The following TRARG1 variants were observed in gnomAD, a reference collection of about 807,000 sequenced individuals.
The protein encoded by TRARG1 is trafficking regulator of GLUT4 (SLC2A4) 1 (gene/pseudogene).
In TRARG1, 16 loss-of-function variants were observed where a neutral mutation model predicts 13.3. The ratio of observed to expected loss-of-function variants is 1.20; its 90% CI spans 0.81 to 1.83. The LOEUF (loss-of-function observed/expected upper bound fraction) is 1.83, where lower values mean the gene tolerates loss of function less well. TRARG1 is among the 40% of genes most tolerant of loss of function. The probability of loss-of-function intolerance (pLI) is 0.00; values close to 1 mark genes in which losing one functional copy is unlikely to be tolerated. For synonymous variants in TRARG1, 113 were observed against 106.2 expected (o/e 1.06, Z -0.39); for missense variants, 250 against 237.4 (o/e 1.05, Z -0.35).
chr17:1,279,984 C>T lies in TRARG1; in HGVS notation c.-18C>T, dbSNP rs373933185. 2.1e-5 allele frequency: 34 copies of T among 1,595,662 alleles called. No homozygotes were observed. The highest frequency in any genetic ancestry group is 1.6e-4 in the East Asian group (7 of 44,620). On this transcript the variant is annotated 5_prime_UTR_variant, in exon 1 of 3. Coordinates refer to ENST00000333813, the MANE Select transcript of TRARG1 (RefSeq NM_172367.3). ...TTGTCCCAGCCTGGAGCTGCAGCCG[C>T]GCAAGGCCCAGGCCCCCATGGCCCA... is the stretch of plus-strand genomic sequence containing the variant.
At chr17:1,297,026 G>C (rs185327461) in intron 2 of TRARG1, among the ~76,000 whole-genome samples, 184 of 152,224 alleles carry the variant, frequency 1.2e-3, no homozygotes, top group African/African-American at 3.9e-3. Flanking sequence ...GGGGTCATCC[G>C]GGTCTGAACT....
chr17:1,294,581 A>G (rs9907906), intron 1 of TRARG1, among the ~76,000 whole-genome samples: 67,578 of 148,690 alleles, frequency 0.45, 15,617 homozygotes, highest in African/African-American at 0.59. Context: ...ATTCTCCTGC[A>G]TCAGCCTCCT....
chr17:1,299,190 G>A lies in TRARG1; in HGVS notation c.*926G>A, dbSNP rs535531982. On this transcript the variant is annotated 3_prime_UTR_variant, in exon 3 of 3. Coordinates refer to ENST00000333813, the MANE Select transcript of TRARG1 (RefSeq NM_172367.3). ...TGGGGCTCCGTCTGGTGCTGCTTAG[G>A]TAGTTTCAGGCTTCCAGCCCAGCCC... is the stretch of plus-strand genomic sequence containing the variant. 1.3e-5 allele frequency: 2 copies of A among 152,368 alleles called. No homozygotes were observed. The highest frequency in any genetic ancestry group is 2.9e-5 in the Non-Finnish European group (2 of 68,152). The allele number at this position is 152,368 out of a possible 1,614,324, so 9.4% of individuals were successfully genotyped here.
At chr17:1,287,785 C>T (rs903250341) in intron 1 of TRARG1, among the ~76,000 whole-genome samples, 6 of 152,142 alleles carry the variant, frequency 3.9e-5, no homozygotes, top group Admixed American at 1.3e-4. Context: ...CCCGAGCAGC[C>T]GGGACTACAG....
intron 1 of TRARG1, among the ~76,000 whole-genome samples, chr17:1,290,789 C>T (rs2072063409): frequency 6.6e-6 from 1 of 152,122 alleles, no homozygotes. Context: ...AATTGTAGGC[C>T]CCATAATCCC....
At chr17:1,283,134 G>C (rs750684684) in intron 1 of TRARG1, among the ~76,000 whole-genome samples, 3 of 152,180 alleles carry the variant, frequency 2.0e-5, no homozygotes, top group Non-Finnish European at 2.9e-5. Flanking sequence ...CATATTTCCA[G>C]AAGTGCCCGT....
rs779102520 is a variant in TRARG1 at position 1,295,542 on chromosome 17, C to T, written c.439C>T (p.Arg147Cys). 54 of 1,612,998 alleles carry T rather than the reference C, an allele frequency of 3.3e-5. No individual in the cohort carries two copies. The highest frequency in any genetic ancestry group is 1.6e-4 in the Middle Eastern group (1 of 6,082). ...GNVDGARRLG[R>C]LARLLSITLI... ...CGTGGACGGCGCCCGGAGGCTGGGC[C>T]GCCTGGCTCGGCTGCTCAGCATTAC... is the stretch of plus-strand genomic sequence containing the variant. The change falls in exon 2 of 3, where the codon CGC becomes TGC. Residue 147 changes from arginine to cysteine, a missense_variant. Physicochemically the swap from Arg to Cys is radical, Grantham distance 180. Transcript: ENST00000333813.
At chr17:1,285,444 C>T (rs1013530221) in intron 1 of TRARG1, among the ~76,000 whole-genome samples, 18 of 150,096 alleles carry the variant, frequency 1.2e-4, no homozygotes, top group African/African-American at 4.4e-4. Flanking sequence ...CAGTGGCTCA[C>T]ACCTGCAATC....
In TRARG1 at chr17:1,280,349, C is replaced by T; in HGVS notation, c.348C>T (p.Val116=). 1 of 1,611,342 alleles carries T rather than the reference C, an allele frequency of 6.2e-7. No homozygotes were observed. Among genetic ancestry groups the T allele is most frequent in the Non-Finnish European group, 8.5e-7 (1 of 1,178,836 alleles). ...ILAVVACFCP[V]WPLNLIPLII... ...CCGTCGTCGCCTGCTTCTGCCCCGT[C>T]TGGCCCCTCAACCTCATCCCCCTCA... The change falls in exon 1 of 3, where the codon GTC becomes GTT. Residue 116 remains valine, a synonymous_variant. Transcript: ENST00000333813.
chr17:1,295,831 T>A (rs1172406332), intron 2 of TRARG1, among the ~76,000 whole-genome samples: 1 of 152,226 alleles, frequency 6.6e-6, no homozygotes, highest in African/African-American at 2.4e-5. Flanking sequence ...ACTTGTCTTA[T>A]GCCCAGAGAG....
At chr17:1,289,474 T>G (rs2072055259) in intron 1 of TRARG1, among the ~76,000 whole-genome samples, 1 of 136,464 alleles carries the variant, frequency 7.3e-6, no homozygotes, top group African/African-American at 2.8e-5. Context: ...TGAAACCTCC[T>G]GCCAAGGGTA....
intron 1 of TRARG1, among the ~76,000 whole-genome samples, chr17:1,287,038 C>G (rs756932394): frequency 1.5e-4 from 23 of 151,746 alleles, no homozygotes; most frequent in Non-Finnish European, 2.8e-4. Context: ...AAGGGTTGGG[C>G]TGTGCTGGGA....
chr17:1,284,819 T>C lies in TRARG1; in HGVS notation c.387+4431T>C, dbSNP rs138336906. Among the ~76,000 whole-genome samples, 413 of 152,152 alleles carry C rather than the reference T, an allele frequency of 2.7e-3. 8 individuals are homozygous for C. The East Asian group carries it at 0.065, about 24-fold the overall frequency. Reference sequence around the variant, plus strand: ...CCTCAGCCTCCTGAGTAGCTGGGACTACAGGCGCCCGCCACCACACCCTGC... The same window carrying C: ...CCTCAGCCTCCTGAGTAGCTGGGACCACAGGCGCCCGCCACCACACCCTGC... On this transcript the variant is annotated intron_variant, in intron 1 of 2. Transcript: ENST00000333813.
chr17:1,294,666 G>A (rs1053862457), intron 1 of TRARG1, among the ~76,000 whole-genome samples: 3 of 145,156 alleles, frequency 2.1e-5, no homozygotes, highest in Admixed American at 7.1e-5. Flanking sequence ...GGGTTTCACC[G>A]TATTGGCCAA....
chr17:1,282,435 A>T (rs1489348948), intron 1 of TRARG1, among the ~76,000 whole-genome samples: 6 of 151,686 alleles, frequency 4.0e-5, no homozygotes, highest in African/African-American at 1.5e-4. Context: ...CAATGGTGCG[A>T]TCTCGGCTCA....
chr17:1,291,196 C>T (rs991357813), intron 1 of TRARG1, among the ~76,000 whole-genome samples: 5 of 151,404 alleles, frequency 3.3e-5, no homozygotes, highest in African/African-American at 4.9e-5. Context: ...CTGCAACTTC[C>T]GCCTCCCGGG....
At chr17:1,292,189 CA>C (rs1156257310) in intron 1 of TRARG1, among the ~76,000 whole-genome samples, 3 of 132,404 alleles carry the variant, frequency 2.3e-5, no homozygotes, top group African/African-American at 5.9e-5. Context: ...CAAAACAAAA[CA>C]AAACAAACAA....
chr17:1,286,559 TG>T (rs1482819949), intron 1 of TRARG1, among the ~76,000 whole-genome samples: 1 of 97,432 alleles, frequency 1.0e-5, no homozygotes, highest in East Asian at 3.4e-4. Flanking sequence ...TGTCAGCCTG[TG>T]GGGTGTTGTC....
intron 1 of TRARG1, among the ~76,000 whole-genome samples, chr17:1,283,819 A>AT (rs1268740626): frequency 1.3e-5 from 2 of 150,712 alleles, no homozygotes; most frequent in African/African-American, 2.4e-5. Context: ...AAAAAAAATA[A>AT]AATAAAATAA....
Sources: allele counts gnomAD v4.1 joint callset (sites outside exome capture counted in the v4.1 genomes callset), GRCh38; gene constraint gnomAD v4.1.1; transcripts MANE v1.5; gene names NCBI Gene and HGNC (gene_info 2026-07-23, HGNC 2026-07-21).